CIB2: variants seen among roughly 807,000 people sequenced by gnomAD.
CIB2 encodes calcium and integrin binding family member 2, also known as calcium and integrin-binding family member 2.
A neutral mutation model predicts 23.1 loss-of-function variants in CIB2; 19 were observed. The observed-to-expected ratio is 0.82, with a 90% CI of 0.57 to 1.21. CIB2 has a LOEUF of 1.21. CIB2 is among the 50% of genes most tolerant of loss of function. CIB2 has a pLI of 0.00. For synonymous variants in CIB2, 94 were observed against 91.7 expected (o/e 1.03, Z -0.14); for missense variants, 220 against 241.5 (o/e 0.91, Z 0.59).
Position 78,104,847 on chromosome 15 carries a change from G to T in CIB2, c.*464C>A. 6.0e-6 allele frequency: 1 copy of T among 166,896 alleles called. No individual in the cohort carries two copies. Among genetic ancestry groups the T allele is most frequent in the Non-Finnish European group, 1.3e-5 (1 of 75,480 alleles). 10.3% of individuals were successfully genotyped at this position (166,896 alleles called of 1,614,324 possible). Reference sequence around the variant, plus strand: ...GGGAGAAGGGGAACAGGCAGGGGTGGGAAGCAGCCCAACCTTGGGTTTTGG... The same window carrying T: ...GGGAGAAGGGGAACAGGCAGGGGTGTGAAGCAGCCCAACCTTGGGTTTTGG... On this transcript the variant is annotated 3_prime_UTR_variant, in exon 6 of 6. Coordinates refer to ENST00000258930, the MANE Select transcript of CIB2 (RefSeq NM_006383.4). This position sits in a 1 kb window ranked among gnomAD's most constrained non-coding sequence, Gnocchi z 4.4.
At chr15:78,107,417 G>A (rs2074088295) in intron 4 of CIB2, among the ~76,000 whole-genome samples, 1 of 152,166 alleles carries the variant, frequency 6.6e-6, no homozygotes, top group Admixed American at 6.5e-5. Context: ...CATGGCATGG[G>A]ACATAGCAAA....
chr15:78,117,246 CAAAAAAAAAAAA>C (rs60332437), intron 2 of CIB2, among the ~76,000 whole-genome samples: 21,488 of 55,872 alleles, frequency 0.38, 2,730 homozygotes, highest in South Asian at 0.46. Context: ...AAGCTACTGG[CAAAAAAAAAAAA>C]AAAAAAAAAA....
Position 78,109,348 on chromosome 15 carries a change from A to T in CIB2, c.233T>A (p.Phe78Tyr), listed in dbSNP as rs1339944804. Reference protein sequence around the residue: ...NPFKERIVAAFSEDGEGNLTF... With the variant: ...NPFKERIVAAYSEDGEGNLTF... ...GAGGTTCCCCTCACCATCCTCGGAA[A>T]ACGCCGCCACGATCCTTTCTTTGAA... The change falls in exon 4 of 6, where the codon TTT (phenylalanine) becomes TAT (tyrosine). Residue 78 changes from phenylalanine (F) to tyrosine (Y), a missense_variant. Physicochemically the swap from Phe to Tyr is conservative, Grantham distance 22. Coordinates refer to ENST00000258930, the MANE Select transcript of CIB2 (RefSeq NM_006383.4). The T allele has an allele frequency of 6.2e-7, 1 of 1,614,064 alleles. No individual in the cohort carries two copies. Among genetic ancestry groups the T allele is most frequent in the Non-Finnish European group, 8.5e-7 (1 of 1,180,022 alleles).
chr15:78,110,389 G>A (rs921495366), intron 3 of CIB2, among the ~76,000 whole-genome samples: 4 of 152,194 alleles, frequency 2.6e-5, no homozygotes, highest in African/African-American at 9.7e-5. Flanking sequence ...CTGGTCCAGG[G>A]CTGAGCCTGG....
chr15:78,118,516 G>A (rs563621195), intron 2 of CIB2, among the ~76,000 whole-genome samples: 1 of 150,562 alleles, frequency 6.6e-6, no homozygotes, highest in African/African-American at 2.4e-5. Flanking sequence ...TTGAACCCAG[G>A]AGGCAGAGGT....
At chr15:78,105,526 C>G (rs913312687) in intron 5 of CIB2, 194 bp from the exon 6 acceptor site, 3 of 1,482,970 alleles carry the variant, frequency 2.0e-6, no homozygotes, top group Middle Eastern at 4.9e-4. Flanking sequence ...TCTGCCCCCA[C>G]TTATCACTGA....
intron 2 of CIB2, among the ~76,000 whole-genome samples, chr15:78,115,179 T>C (rs888607850): frequency 1.7e-4 from 26 of 152,346 alleles, no homozygotes; most frequent in Middle Eastern, 3.4e-3. Flanking sequence ...AGTAGAGAAA[T>C]GTGAAAAGAA....
At chr15:78,109,421 A>T (rs2074121884) in intron 3 of CIB2, 39 bp from the exon 4 acceptor site, 1 of 1,612,638 alleles carries the variant, frequency 6.2e-7, no homozygotes, top group Non-Finnish European at 8.5e-7. Context: ...TGGGTGCAGG[A>T]TAAGCAGGAG....
At chr15:78,107,010 CG>C (rs1439901811) in intron 4 of CIB2, among the ~76,000 whole-genome samples, 1 of 151,754 alleles carries the variant, frequency 6.6e-6, no homozygotes, top group Non-Finnish European at 1.5e-5. Context: ...GGGTGGATCA[CG>C]AGGCCAGGAG....
At chr15:78,126,757 A>G (rs2074386761) in intron 1 of CIB2, among the ~76,000 whole-genome samples, 1 of 152,204 alleles carries the variant, frequency 6.6e-6, no homozygotes, top group Admixed American at 6.5e-5. Context: ...AACATTTAGT[A>G]ACACCTATTT....
At chr15:78,115,676 CT>C (rs56754406) in intron 2 of CIB2, among the ~76,000 whole-genome samples, 9,988 of 71,770 alleles carry the variant, frequency 0.14, 209 homozygotes, top group Non-Finnish European at 0.17. Flanking sequence ...ATCTCCTTCT[CT>C]TTTTTTTTTT....
rs2074455445 is a variant in CIB2 at position 78,131,431 on chromosome 15, C to CCGCG, written c.-217_-216insCGCG. On this transcript the variant is annotated 5_prime_UTR_variant, in exon 1 of 6. Transcript: ENST00000258930. The surrounding 1 kb of genome is among the most constrained non-coding windows in gnomAD (Gnocchi z 5.8). ...GAACCCGGAGCGGCAGCGACTCCGC[C>CCGCG]GCCGGCGGGAAGAGGGCGGGGCACC... is the stretch of plus-strand genomic sequence containing the variant. 5.2e-6 allele frequency: 1 copy of CCGCG among 193,482 alleles called. No homozygotes were observed. 12.0% of individuals were successfully genotyped at this position (193,482 alleles called of 1,614,324 possible).
chr15:78,123,885 C>T, intron 1 of CIB2, 146 bp from the exon 2 acceptor site: 1 of 873,394 alleles, frequency 1.1e-6, no homozygotes, highest in Non-Finnish European at 1.9e-6. Flanking sequence ...CTTGCCCTCA[C>T]CCACTGGGGA....
chr15:78,117,738 T>C (rs997656008), intron 2 of CIB2, among the ~76,000 whole-genome samples: 7 of 152,202 alleles, frequency 4.6e-5, no homozygotes, highest in African/African-American at 1.7e-4. Flanking sequence ...GTGTCCGTTC[T>C]AAAGAGTTCC....
At chr15:78,109,158 A>G (rs906745935) in intron 4 of CIB2, 77 bp downstream of exon 4, 1 of 1,503,704 alleles carries the variant, frequency 6.7e-7, no homozygotes, top group African/African-American at 1.4e-5. Flanking sequence ...GGCAGGAGCC[A>G]GTAGTAACCA....
At chr15:78,116,404 C>T (rs1021864403) in intron 2 of CIB2, among the ~76,000 whole-genome samples, 1 of 151,256 alleles carries the variant, frequency 6.6e-6, no homozygotes, top group Non-Finnish European at 1.5e-5. Flanking sequence ...GAGTTTGAGG[C>T]TGCAGTGAGC....
rs186680215 is a variant in CIB2, at chr15:78,131,029, C to A, written c.51+136G>T. On this transcript the variant is annotated intron_variant, in intron 1 of 5. Coordinates refer to ENST00000258930, the MANE Select transcript of CIB2 (RefSeq NM_006383.4). The surrounding 1 kb of genome is among the most constrained non-coding windows in gnomAD (Gnocchi z 5.8). ...AGGGGAAGTCACCGGCCCAAGGTCA[C>A]GCGTCGAGCTGAAGGCAGAGGCAGG... 1.7e-6 allele frequency: 1 copy of A among 603,824 alleles called. No individual in the cohort carries two copies. The highest frequency in any genetic ancestry group is 2.6e-6 in the Non-Finnish European group (1 of 377,870). 37.4% of individuals were successfully genotyped at this position (603,824 alleles called of 1,614,324 possible).
At chr15:78,127,564 A>T (rs1470512284) in intron 1 of CIB2, among the ~76,000 whole-genome samples, 2 of 152,266 alleles carry the variant, frequency 1.3e-5, no homozygotes, top group Non-Finnish European at 2.9e-5. Context: ...CCCCAACTGG[A>T]GTGCCCTCTC....
intron 5 of CIB2, 64 bp downstream of exon 5, chr15:78,105,675 A>T (rs1456873024): frequency 1.2e-6 from 2 of 1,609,356 alleles, no homozygotes; most frequent in Non-Finnish European, 1.7e-6. Context: ...TAGGGGCCTC[A>T]GCCCCAACAT....
Sources: gnomAD v4.1 joint callset for allele counts (sites outside exome capture counted in the v4.1 genomes callset) on GRCh38, gnomAD v4.1.1 for gene constraint, Gnocchi (gnomAD v3.1) non-coding constraint, MANE v1.5 for transcripts, NCBI Gene and HGNC (gene_info 2026-07-23, HGNC 2026-07-21) for gene names.